Variants in DNAH12 observed in about 807,000 individuals in gnomAD.
The protein encoded by DNAH12 is dynein axonemal heavy chain 12, also known as axonemal beta dynein heavy chain 12.
A neutral mutation model predicts 371.5 loss-of-function variants in DNAH12; 285 were observed. That is an observed-to-expected ratio of 0.77 (90% confidence interval 0.70 to 0.85). The LOEUF (loss-of-function observed/expected upper bound fraction) is 0.85. Among genes scored for constraint, DNAH12 ranks in the 40% least tolerant of loss-of-function variants. The pLI is 0.00. For missense variants in DNAH12, 3,611 were observed against 3,689.4 expected (o/e 0.98, Z 0.55); for synonymous variants, 1,200 against 1,213.0 (o/e 0.99, Z 0.22).
In DNAH12 at chr3:57,540,615, G is replaced by C. The variant is rs545981654; in HGVS notation, c.170+2086C>G. Among the ~76,000 whole-genome samples, 3 of 152,124 alleles carry C rather than the reference G, an allele frequency of 2.0e-5. No individual in the cohort carries two copies. In the East Asian group the frequency reaches 5.8e-4, roughly 29 times the overall value. On this transcript the variant is annotated intron_variant, in intron 2 of 73. Transcript: ENST00000495027. The stretch of plus-strand genomic sequence containing the variant: ...CAAGCAGTTCAACATGATAATGCAA[G>C]ATAATGAAAAGTTATGGAGTAAAAA...
At chr3:57,392,502 A>G (rs1300810842) in intron 44 of DNAH12, among the ~76,000 whole-genome samples, 2 of 152,120 alleles carry the variant, frequency 1.3e-5, no homozygotes, top group Non-Finnish European at 2.9e-5. Context: ...CTGAGGTAAG[A>G]GCCCAGGAGT....
chr3:57,309,105 TAAG>T (rs1559541448), intron 69 of DNAH12, 43 bp downstream of exon 69: 1 of 1,404,808 alleles, frequency 7.1e-7, no homozygotes, highest in Admixed American at 2.7e-5. Context: ...CTTATTAATA[TAAG>T]AAGACAGTTG....
chr3:57,345,879 A>G (rs1298747771), intron 60 of DNAH12, among the ~76,000 whole-genome samples: 2 of 152,140 alleles, frequency 1.3e-5, no homozygotes, highest in Non-Finnish European at 2.9e-5. Flanking sequence ...TTTTTTGAAT[A>G]TTTCTGGCTA....
Position 57,361,444 on chromosome 3 carries a change from C to CACTATATATACATATATATATA in DNAH12, c.9360+2149_9360+2150insTATATATATATGTATATATAGT, listed in dbSNP as rs1409626573. ...CACTATATATATATACACACACACA[C>CACTATATATACATATATATATA]TATATATATATATATATATATATAT... is the stretch of plus-strand genomic sequence containing the variant. On this transcript the variant is annotated intron_variant, in intron 58 of 73. Coordinates refer to ENST00000495027, the MANE Select transcript of DNAH12 (RefSeq NM_001366028.2). Among the ~76,000 whole-genome samples, 21 of 116,698 alleles carry CACTATATATACATATATATATA rather than the reference C, an allele frequency of 1.8e-4. 1 individual carries two copies. The highest frequency in any genetic ancestry group is 8.4e-4 in the African/African-American group (20 of 23,742). The allele number at this position is 116,698 out of a possible 152,430, so 76.6% of individuals were successfully genotyped here.
At position 57,433,524 on chromosome 3, in the gene DNAH12, A is replaced by G. The variant is rs115827068; in HGVS notation, c.4840-17T>C. ...ATCAGTCCACTGAGGAGGAAAAAAA[A>G]GAATTAAAAAGCTCTCCTCATAAAA... On this transcript the variant is annotated splice_polypyrimidine_tract_variant and intron_variant, in intron 31 of 73. Coordinates refer to ENST00000495027, the MANE Select transcript of DNAH12 (RefSeq NM_001366028.2). 5,301 of 1,542,834 alleles carry G rather than the reference A, an allele frequency of 3.4e-3. 150 individuals are homozygous for G. The African/African-American group carries it at 0.063, about 18-fold the overall frequency.
chr3:57,521,052 A>G, intron 4 of DNAH12, among the ~76,000 whole-genome samples: 1 of 115,484 alleles, frequency 8.7e-6, no homozygotes, highest in African/African-American at 3.1e-5. Flanking sequence ...CGACAAAGTG[A>G]GACTCTGTCT....
chr3:57,398,806 C>T (rs1357573374), intron 43 of DNAH12, among the ~76,000 whole-genome samples: 1 of 152,080 alleles, frequency 6.6e-6, no homozygotes, highest in Non-Finnish European at 1.5e-5. Flanking sequence ...TAAAGGGAAT[C>T]CTTCAAGTTG....
At chr3:57,370,308 T>G (rs1241534762) in intron 55 of DNAH12, among the ~76,000 whole-genome samples, 4 of 152,196 alleles carry the variant, frequency 2.6e-5, no homozygotes, top group Non-Finnish European at 5.9e-5. Context: ...AATGAGATAT[T>G]CAAAGATAAT....
intron 65 of DNAH12, 93 bp downstream of exon 65, chr3:57,322,247 TAAA>T: frequency 2.3e-6 from 3 of 1,277,870 alleles, no homozygotes; most frequent in Non-Finnish European, 3.1e-6. Context: ...AAACATTAAA[TAAA>T]AATGTTACAA....
chr3:57,406,090 T>A (rs1305451113), intron 40 of DNAH12, 138 bp from the exon 41 acceptor site: 1 of 893,842 alleles, frequency 1.1e-6, no homozygotes, highest in East Asian at 2.7e-5. Flanking sequence ...GTGGCTCACA[T>A]CTGTAATCGC....
chr3:57,369,219 T>TTAAA (rs2063115170), intron 55 of DNAH12, among the ~76,000 whole-genome samples: 1 of 126,044 alleles, frequency 7.9e-6, no homozygotes, highest in African/African-American at 3.1e-5. Flanking sequence ...GAAACTCCAT[T>TTAAA]AAAAAAAAAA....
Position 57,369,134 on chromosome 3 carries a change from C to T in DNAH12, c.8760-874G>A, listed in dbSNP as rs927789214. ...ACAGGGGAGGCTGAGGCAGGAGAAT[C>T]GCTTAAACCCGGGAGGTAGAGATTG... On this transcript the variant is annotated intron_variant, in intron 55 of 73. Coordinates refer to ENST00000495027, the MANE Select transcript of DNAH12 (RefSeq NM_001366028.2). Among the ~76,000 whole-genome samples, 264 of 150,252 alleles carry T rather than the reference C, an allele frequency of 1.8e-3. 2 individuals are homozygous for T. Among genetic ancestry groups the T allele is most frequent in the Non-Finnish European group, 2.8e-3 (191 of 67,700 alleles).
chr3:57,545,567 T>TG (rs2069512290), upstream of DNAH12, among the ~76,000 whole-genome samples: 1 of 152,102 alleles, frequency 6.6e-6, no homozygotes, highest in Non-Finnish European at 1.5e-5. Flanking sequence ...TCACCCAGGC[T>TG]GGAGTGCAGC....
chr3:57,430,327 C>CTATACTTATTTTTATATGTATCACAATA (rs1254893137), intron 32 of DNAH12, among the ~76,000 whole-genome samples: 1 of 152,086 alleles, frequency 6.6e-6, no homozygotes, highest in Non-Finnish European at 1.5e-5. Flanking sequence ...AGTATATTTT[C>CTATACTTATTTTTATATGTATCACAATA]TATGTAATCA....
rs919114579 is a variant in DNAH12 at position 57,389,474 on chromosome 3, G to A, written c.7306-2255C>T. 3.3e-5 allele frequency among the ~76,000 whole-genome samples: 5 copies of A among 151,988 alleles called. 1 individual carries two copies. Among genetic ancestry groups the A allele is most frequent in the Admixed American group, 3.3e-4 (5 of 15,244 alleles). On this transcript the variant is annotated intron_variant, in intron 45 of 73. Coordinates refer to ENST00000495027, the MANE Select transcript of DNAH12 (RefSeq NM_001366028.2). Reference sequence around the variant, plus strand: ...TTTAGAAGCTCAACTATATTATCAAGTATTCACGTTCTTTCCGTCTTGTTG... The same window carrying A: ...TTTAGAAGCTCAACTATATTATCAAATATTCACGTTCTTTCCGTCTTGTTG...
In DNAH12 at chr3:57,332,062, C is replaced by T. The variant is rs146799490; in HGVS notation, c.9978+2403G>A. Among the ~76,000 whole-genome samples the T allele has an allele frequency of 9.2e-5, 14 of 152,276 alleles. No individual in the cohort carries two copies. In the East Asian group the frequency reaches 1.9e-3, roughly 21 times the overall value. On this transcript the variant is annotated intron_variant, in intron 62 of 73. Transcript: ENST00000495027. ...ATCCCCAACTGTCTCTGCTGTATTT[C>T]GAACTAAGCCTGAGCTCTCTTTCCT...
chr3:57,382,458 A>C (rs1036183427), intron 49 of DNAH12, 65 bp from the exon 50 acceptor site: 21 of 152,330 alleles, frequency 1.4e-4, no homozygotes, highest in African/African-American at 4.8e-4. Context: ...AATAATGAAA[A>C]ATTTTAAAGT....
intron 29 of DNAH12, among the ~76,000 whole-genome samples, chr3:57,439,514 C>A (rs2065239875): frequency 6.6e-6 from 1 of 152,094 alleles, no homozygotes; most frequent in Admixed American, 6.6e-5. Context: ...TTATTGGACC[C>A]CTACCTTTCA....
chr3:57,487,323 AAGGG>A lies in DNAH12; in HGVS notation c.1514+2182_1514+2185del, dbSNP rs201041126. 3.9e-3 allele frequency among the ~76,000 whole-genome samples: 405 copies of A among 103,608 alleles called. 2 individuals are homozygous for A. The highest frequency in any genetic ancestry group is 6.2e-3 in the Non-Finnish European group (327 of 52,984). 68.0% of individuals were successfully genotyped at this position (103,608 alleles called of 152,430 possible). ...AGGAAGGAAGGGAGAGAGAGAGAGA[AAGGG>A]AGGGAGGGAGGGAGGGAGAGAGAGA... On this transcript the variant is annotated intron_variant, in intron 12 of 73. Coordinates refer to ENST00000495027, the MANE Select transcript of DNAH12 (RefSeq NM_001366028.2).
Sources: gnomAD v4.1 joint callset for allele counts (sites outside exome capture counted in the v4.1 genomes callset) on GRCh38, gnomAD v4.1.1 for gene constraint, MANE v1.5 for transcripts, NCBI Gene and HGNC (gene_info 2026-07-23, HGNC 2026-07-21) for gene names.